The following ARHGEF1 variants were observed in gnomAD, a reference collection of about 807,000 sequenced individuals.
ARHGEF1 encodes the protein 115 kDa guanine nucleotide exchange factor.
Under a neutral mutation model 119.7 loss-of-function variants are expected in ARHGEF1, and 40 were observed. That is an observed-to-expected ratio of 0.33 (90% CI 0.26 to 0.44). The LOEUF (loss-of-function observed/expected upper bound fraction) is 0.44, where lower values mean the gene tolerates loss of function less well. ARHGEF1 is among the 20% of genes least tolerant of loss of function. The pLI is 1.00. For synonymous variants in ARHGEF1, 494 were observed against 521.0 expected, an observed-to-expected ratio of 0.95 and a Z score of 0.71; for missense variants, 976 against 1,268.3, an observed-to-expected ratio of 0.77 and a Z score of 3.50.
At chr19:41,885,242 TCGCCTC>T (rs2074276032) in intron 1 of ARHGEF1, among the ~76,000 whole-genome samples, 1 of 152,068 alleles carries the variant, frequency 6.6e-6, no homozygotes. Flanking sequence ...GCGACACTCC[TCGCCTC>T]CATCATCTCC....
rs2074339355 is a variant in ARHGEF1 at position 41,889,174 on chromosome 19, G to C, written c.225+309G>C. The C allele has an allele frequency of 3.7e-6, 1 of 271,006 alleles. No individual in the cohort carries two copies. Among genetic ancestry groups the C allele is most frequent in the South Asian group, 8.5e-5 (1 of 11,756 alleles). 16.8% of individuals were successfully genotyped at this position (271,006 alleles called of 1,614,324 possible). ...CCACATCCCATCCCACTCTGTGCCT[G>C]TGGCAGCGCCCCCATCAGCCTGTGG... On this transcript the variant is annotated intron_variant, in intron 4 of 28. Coordinates refer to ENST00000354532, the MANE Select transcript of ARHGEF1 (RefSeq NM_004706.4). The surrounding 1 kb of genome is among the most constrained non-coding windows in gnomAD (Gnocchi z 4.0).
rs2123434732 is a variant in ARHGEF1 at position 41,894,604 on chromosome 19, GTC to G, written c.842-19_842-18del. Reference sequence around the variant, plus strand: ...TCTTCCCCAGCTGCTCCCACTCACTGTCTCATTCTCTCTCGTTTCAGTTCCAG... The same window carrying G: ...TCTTCCCCAGCTGCTCCCACTCACTGTCATTCTCTCTCGTTTCAGTTCCAG... On this transcript the variant is annotated intron_variant, in intron 10 of 28. Coordinates refer to ENST00000354532, the MANE Select transcript of ARHGEF1 (RefSeq NM_004706.4). 1.2e-6 allele frequency: 2 copies of G among 1,614,080 alleles called. No individual in the cohort carries two copies. The highest frequency in any genetic ancestry group is 2.2e-5 in the East Asian group (1 of 44,888).
At chr19:41,891,610 C>T (rs1555846209) in intron 4 of ARHGEF1, among the ~76,000 whole-genome samples, 1 of 152,188 alleles carries the variant, frequency 6.6e-6, no homozygotes, top group Non-Finnish European at 1.5e-5. Flanking sequence ...CTTGACTAAA[C>T]TTCTTGAGCT....
Position 41,903,965 on chromosome 19 carries a change from C to T in ARHGEF1, c.1918-70C>T. The T allele has an allele frequency of 2.7e-6, 4 of 1,495,330 alleles. No individual in the cohort carries two copies. The highest frequency in any genetic ancestry group is 3.7e-6 in the Non-Finnish European group (4 of 1,076,188). The allele number at this position is 1,495,330 out of a possible 1,614,324, so 92.6% of individuals were successfully genotyped here. On this transcript the variant is annotated intron_variant, in intron 20 of 28. Coordinates refer to ENST00000354532, the MANE Select transcript of ARHGEF1 (RefSeq NM_004706.4). This position sits in a 1 kb window ranked among gnomAD's most constrained non-coding sequence, Gnocchi z 4.2. ...TGGTCATCCCCGGCCACTGCCCTGC[C>T]CTTCCCCTCCCCACCAACCCCAATC...
chr19:41,887,107 A>G (rs1156340134), intron 1 of ARHGEF1, among the ~76,000 whole-genome samples: 1 of 152,172 alleles, frequency 6.6e-6, no homozygotes, highest in African/African-American at 2.4e-5. Context: ...TGCAGAAACC[A>G]GATGTGGGAG....
intron 1 of ARHGEF1, among the ~76,000 whole-genome samples, chr19:41,924,987 G>T (rs1292407307): frequency 6.6e-6 from 1 of 152,174 alleles, no homozygotes; most frequent in Non-Finnish European, 1.5e-5. Context: ...CTTGCAAAAG[G>T]TGCAAAGGGA....
rs782438454 is a variant in ARHGEF1 at position 41,906,041 on chromosome 19, C to A, written c.2491+16C>A. On this transcript the variant is annotated intron_variant, in intron 26 of 28. Transcript: ENST00000354532. The surrounding 1 kb of genome is among the most constrained non-coding windows in gnomAD (Gnocchi z 4.5). ...CTTCGGAAAGGTAGCCCAGCTCTGCCCCTCCAGGGTGGCCACCAGCCCAAA... is the reference window on the plus strand; with the variant it reads ...CTTCGGAAAGGTAGCCCAGCTCTGCACCTCCAGGGTGGCCACCAGCCCAAA... 3.1e-6 allele frequency: 5 copies of A among 1,612,492 alleles called. No individual in the cohort carries two copies. In the East Asian group the frequency reaches 1.1e-4, roughly 36 times the overall value.
At position 41,902,057 on chromosome 19, in the gene ARHGEF1, C is replaced by G. The variant is rs782637447; in HGVS notation, c.1414+24C>G. ...TTGTGAGTGCAGAGCCAGGGTCCCT[C>G]TGTGTACCCCACTGCCCCACGGGCA... On this transcript the variant is annotated intron_variant, in intron 15 of 28. Coordinates refer to ENST00000354532, the MANE Select transcript of ARHGEF1 (RefSeq NM_004706.4). The surrounding 1 kb of genome is among the most constrained non-coding windows in gnomAD (Gnocchi z 6.5). 7 of 1,607,060 alleles carry G rather than the reference C, an allele frequency of 4.4e-6. No individual in the cohort carries two copies. The African/African-American group carries it at 9.3e-5, about 21-fold the overall frequency.
intron 1 of ARHGEF1, among the ~76,000 whole-genome samples, chr19:41,923,394 GA>G: frequency 6.6e-6 from 1 of 151,934 alleles, no homozygotes; most frequent in Middle Eastern, 3.4e-3. Flanking sequence ...CCTGTATGGA[GA>G]AAAACAGACA....
At chr19:41,895,627 C>T in intron 12 of ARHGEF1, 141 bp downstream of exon 12, 1 of 895,210 alleles carries the variant, frequency 1.1e-6, no homozygotes, top group Non-Finnish European at 1.6e-6. Context: ...CTCCCTGCTC[C>T]TGGTCACCAC....
downstream of ARHGEF1, chr19:41,907,456 C>CTGTG (rs1383276733): frequency 1.3e-6 from 2 of 1,491,790 alleles, no homozygotes; most frequent in Admixed American, 4.3e-5. Context: ...AAGAAGAGAT[C>CTGTG]TGTGTGTGTG....
At position 41,907,304 on chromosome 19, in the gene ARHGEF1, G is replaced by A. The variant is rs2074718247; in HGVS notation, c.*217G>A. On this transcript the variant is annotated 3_prime_UTR_variant, in exon 29 of 29. Coordinates refer to ENST00000354532, the MANE Select transcript of ARHGEF1 (RefSeq NM_004706.4). The stretch of plus-strand genomic sequence containing the variant: ...CCTGCCCTCTGCTTGGGGGACTCAG[G>A]GCTCCATTCTGGAGGGCACCACGGT... 6.5e-7 allele frequency: 1 copy of A among 1,532,642 alleles called. No homozygotes were observed. The highest frequency in any genetic ancestry group is 2.0e-5 in the Admixed American group (1 of 50,492). 94.9% of individuals were successfully genotyped at this position (1,532,642 alleles called of 1,614,324 possible).
In ARHGEF1 at chr19:41,906,454, C is replaced by T. The variant is rs1555850189; in HGVS notation, c.2492-3C>T. On this transcript the variant is annotated splice_region_variant and splice_polypyrimidine_tract_variant and intron_variant, in intron 26 of 28. Coordinates refer to ENST00000354532, the MANE Select transcript of ARHGEF1 (RefSeq NM_004706.4). The surrounding 1 kb of genome is among the most constrained non-coding windows in gnomAD (Gnocchi z 4.5). ...GACTCCACCCCTCCTTGCCCCTGGCCAGTGCTGTCCCTGAAGCAGCTTCTG... is the reference window on the plus strand; with the variant it reads ...GACTCCACCCCTCCTTGCCCCTGGCTAGTGCTGTCCCTGAAGCAGCTTCTG... 2.6e-6 allele frequency: 4 copies of T among 1,561,426 alleles called. No individual in the cohort carries two copies. The highest frequency in any genetic ancestry group is 2.6e-6 in the Non-Finnish European group (3 of 1,160,674).
downstream of ARHGEF1, among the ~76,000 whole-genome samples, chr19:41,911,583 A>T (rs1800558433): frequency 6.6e-6 from 1 of 152,004 alleles, no homozygotes; most frequent in Non-Finnish European, 1.5e-5. Flanking sequence ...AAGGCCGGGG[A>T]GCTCCAGGCA....
chr19:41,909,100 A>G (rs1477141577), downstream of ARHGEF1: 3 of 1,231,404 alleles, frequency 2.4e-6, no homozygotes, highest in Non-Finnish European at 3.0e-6. This position sits in a 1 kb window ranked among gnomAD's most constrained non-coding sequence, Gnocchi z 5.2. Context: ...GACGCAATTT[A>G]TCTGTCTCGG....
chr19:41,889,189 T>G lies in ARHGEF1; in HGVS notation c.225+324T>G. 4.0e-6 allele frequency: 1 copy of G among 251,840 alleles called. No homozygotes were observed. Among genetic ancestry groups the G allele is most frequent in the East Asian group, 7.8e-5 (1 of 12,752 alleles). 15.6% of individuals were successfully genotyped at this position (251,840 alleles called of 1,614,324 possible). A position where few individuals can be genotyped will look rare whatever the true frequency, so the allele number is the denominator to read the frequency against. Reference sequence around the variant, plus strand: ...CTCTGTGCCTGTGGCAGCGCCCCCATCAGCCTGTGGCAGCACCTTTCCGTG... The same window carrying G: ...CTCTGTGCCTGTGGCAGCGCCCCCAGCAGCCTGTGGCAGCACCTTTCCGTG... On this transcript the variant is annotated intron_variant, in intron 4 of 28. Coordinates refer to ENST00000354532, the MANE Select transcript of ARHGEF1 (RefSeq NM_004706.4). The surrounding 1 kb of genome is among the most constrained non-coding windows in gnomAD (Gnocchi z 4.0).
chr19:41,914,922 C>T (rs1408892983), intron 18 of ARHGEF1, among the ~76,000 whole-genome samples: 1 of 130,652 alleles, frequency 7.7e-6, no homozygotes, highest in Non-Finnish European at 1.7e-5. Context: ...CCCCCTCCAC[C>T]ATCTCCGTCT....
rs2074346469 is a variant in ARHGEF1 at position 41,889,690 on chromosome 19, T to C, written c.225+825T>C. On this transcript the variant is annotated intron_variant, in intron 4 of 28. Coordinates refer to ENST00000354532, the MANE Select transcript of ARHGEF1 (RefSeq NM_004706.4). The surrounding 1 kb of genome is among the most constrained non-coding windows in gnomAD (Gnocchi z 4.0). ...AGGAAACCGATAGAGTGGGGAGAAG[T>C]GCCCGAGGCATGCAGAAAGAAGAAC... 6.6e-6 allele frequency: 1 copy of C among 152,232 alleles called. No individual in the cohort carries two copies. Among genetic ancestry groups the C allele is most frequent in the Non-Finnish European group, 1.5e-5 (1 of 68,058 alleles). The allele number at this position is 152,232 out of a possible 1,614,324, so 9.4% of individuals were successfully genotyped here.
At chr19:41,900,419 G>A (rs2074582001) in intron 14 of ARHGEF1, among the ~76,000 whole-genome samples, 1 of 152,102 alleles carries the variant, frequency 6.6e-6, no homozygotes, top group South Asian at 2.1e-4. Flanking sequence ...AGTTGTACAC[G>A]GCTGGTGACT....
Sources: allele counts gnomAD v4.1 joint callset (sites outside exome capture counted in the v4.1 genomes callset), GRCh38; gene constraint gnomAD v4.1.1; non-coding constraint Gnocchi (gnomAD v3.1); transcripts MANE v1.5; gene names NCBI Gene and HGNC (gene_info 2026-07-23, HGNC 2026-07-21).